TMC1: variants seen among roughly 807,000 people sequenced by gnomAD.
The protein encoded by TMC1 is transmembrane channel like 1, also known as transmembrane channel-like protein 1.
TMC1 carries 84 observed loss-of-function variants against 105.8 expected under a neutral mutation model. That is an observed-to-expected ratio of 0.79 (90% CI 0.67 to 0.95). The LOEUF is 0.95. Ranked by LOEUF, TMC1 falls within the 40% of genes least tolerant of loss-of-function variation. The probability of loss-of-function intolerance (pLI) is 0.00; values close to 1 mark genes in which losing one functional copy is unlikely to be tolerated. For synonymous variants in TMC1, 315 were observed against 311.5 expected, an observed-to-expected ratio of 1.01 and a Z score of -0.12; for missense variants, 817 against 914.1, an observed-to-expected ratio of 0.89 and a Z score of 1.37.
At chr9:72,833,927 G>A (rs1351318819) in intron 23 of TMC1, among the ~76,000 whole-genome samples, 1 of 151,782 alleles carries the variant, frequency 6.6e-6, no homozygotes, top group Non-Finnish European at 1.5e-5. Flanking sequence ...TATCTTGCAT[G>A]GATCTATTTT....
chr9:72,689,467 ATGT>A (rs957225739), intron 6 of TMC1, among the ~76,000 whole-genome samples: 123 of 152,160 alleles, frequency 8.1e-4, no homozygotes, highest in African/African-American at 2.8e-3. Flanking sequence ...TTGATCTATA[ATGT>A]TGTTCATGAC....
chr9:72,625,863 G>A (rs1825338435), intron 3 of TMC1, among the ~76,000 whole-genome samples: 1 of 152,026 alleles, frequency 6.6e-6, no homozygotes, highest in Non-Finnish European at 1.5e-5. Flanking sequence ...TATCTTGGTC[G>A]CAGAGTAACT....
chr9:72,798,988 G>C (rs934167169), intron 17 of TMC1, among the ~76,000 whole-genome samples: 3 of 151,872 alleles, frequency 2.0e-5, no homozygotes, highest in Non-Finnish European at 4.4e-5. Flanking sequence ...CCCAGCCCAA[G>C]ACTAGCCATA....
intron 4 of TMC1, among the ~76,000 whole-genome samples, chr9:72,639,389 G>A (rs898173778): frequency 6.6e-6 from 1 of 151,982 alleles, no homozygotes; most frequent in African/African-American, 2.4e-5. Flanking sequence ...AAGACATTTG[G>A]CACTCTACTT....
rs12001653 is a variant in TMC1, at chr9:72,820,523, G to A, written c.1764-319G>A. 0.094 allele frequency among the ~76,000 whole-genome samples: 14,260 copies of A among 152,198 alleles called. 732 individuals carry two copies. The highest frequency in any genetic ancestry group is 0.13 in the Non-Finnish European group (8,683 of 67,978). ...AAGTTTATTTTAGAATTAGAAGAAAGAAGTAAAACAATTGTAAATATTGTT... is the reference window on the plus strand; with the variant it reads ...AAGTTTATTTTAGAATTAGAAGAAAAAAGTAAAACAATTGTAAATATTGTT... On this transcript the variant is annotated intron_variant, in intron 19 of 23. Coordinates refer to ENST00000297784, the MANE Select transcript of TMC1 (RefSeq NM_138691.3).
intron 5 of TMC1, among the ~76,000 whole-genome samples, chr9:72,659,182 A>G (rs545198559): frequency 2.5e-4 from 38 of 152,354 alleles, no homozygotes; most frequent in African/African-American, 8.9e-4. Context: ...GTGAGATTAC[A>G]GTTTTAATAT....
chr9:72,784,031 C>G (rs1325669155), intron 13 of TMC1, among the ~76,000 whole-genome samples: 1 of 152,098 alleles, frequency 6.6e-6, no homozygotes, highest in East Asian at 1.9e-4. Context: ...TAAGAAGACT[C>G]CAAAAGCAAT....
chr9:72,630,849 T>G (rs1825437167), intron 4 of TMC1, among the ~76,000 whole-genome samples: 1 of 151,924 alleles, frequency 6.6e-6, no homozygotes, highest in African/African-American at 2.4e-5. Context: ...TTCTTTCTAT[T>G]TTTATACATT....
At chr9:72,751,777 AC>A in intron 10 of TMC1, 72 bp from the exon 11 acceptor site, 2 of 978,006 alleles carry the variant, frequency 2.0e-6, no homozygotes, top group Non-Finnish European at 3.3e-6. Flanking sequence ...TTTGAAGGCA[AC>A]CAAGACAAAG....
chr9:72,649,768 A>G (rs917594213), intron 5 of TMC1, among the ~76,000 whole-genome samples: 1 of 152,146 alleles, frequency 6.6e-6, no homozygotes, highest in Non-Finnish European at 1.5e-5. Context: ...AATCTTATGG[A>G]AGATGGTAGA....
intron 3 of TMC1, among the ~76,000 whole-genome samples, chr9:72,618,885 A>G (rs1340263667): frequency 6.6e-6 from 1 of 152,176 alleles, no homozygotes; most frequent in Non-Finnish European, 1.5e-5. Context: ...TAAACTCATA[A>G]TGTGTTTTCT....
At chr9:72,810,642 G>A (rs1294019056) in intron 18 of TMC1, among the ~76,000 whole-genome samples, 1 of 152,038 alleles carries the variant, frequency 6.6e-6, no homozygotes, top group Admixed American at 6.6e-5. Flanking sequence ...GAGTAGACTG[G>A]TTACTTGCTT....
chr9:72,711,834 G>A (rs569609982), intron 8 of TMC1, among the ~76,000 whole-genome samples: 1 of 152,304 alleles, frequency 6.6e-6, no homozygotes, highest in African/African-American at 2.4e-5. Context: ...TAGTCATGAA[G>A]TCTTTGCCCA....
At chr9:72,686,811 C>G (rs2132182382) in intron 5 of TMC1, among the ~76,000 whole-genome samples, 1 of 152,334 alleles carries the variant, frequency 6.6e-6, no homozygotes, top group South Asian at 2.1e-4. Flanking sequence ...ATTTCTGCAG[C>G]AGTCTTCATT....
At chr9:72,558,121 G>T (rs1823975227) in intron 1 of TMC1, among the ~76,000 whole-genome samples, 1 of 152,036 alleles carries the variant, frequency 6.6e-6, no homozygotes, top group Non-Finnish European at 1.5e-5. Flanking sequence ...TTTCTAATTT[G>T]CCTGTGTATT....
At chr9:72,781,988 A>G (rs1048736558) in intron 13 of TMC1, among the ~76,000 whole-genome samples, 6 of 152,182 alleles carry the variant, frequency 3.9e-5, no homozygotes, top group Non-Finnish European at 5.9e-5. Flanking sequence ...CTGATACCAA[A>G]TCCTGGCAGA....
chr9:72,823,682 T>C (rs1410755580), intron 20 of TMC1, among the ~76,000 whole-genome samples: 1 of 152,232 alleles, frequency 6.6e-6, no homozygotes, highest in Non-Finnish European at 1.5e-5. Context: ...TGAAGGCAAT[T>C]CTAATTGTTC....
At chr9:72,582,197 T>A (rs1824486694) in intron 2 of TMC1, among the ~76,000 whole-genome samples, 1 of 152,202 alleles carries the variant, frequency 6.6e-6, no homozygotes, top group Non-Finnish European at 1.5e-5. Flanking sequence ...CCTCAGGTGA[T>A]CCACCCGCCT....
chr9:72,789,083 T>C (rs1368359730), intron 14 of TMC1, 40 bp from the exon 15 acceptor site: 1 of 1,589,534 alleles, frequency 6.3e-7, no homozygotes, highest in Admixed American at 1.7e-5. Context: ...AGATATTCTA[T>C]TTTGGGTTTT....
Sources: allele counts gnomAD v4.1 joint callset (sites outside exome capture counted in the v4.1 genomes callset), GRCh38; gene constraint gnomAD v4.1.1; transcripts MANE v1.5; gene names NCBI Gene and HGNC (gene_info 2026-07-23, HGNC 2026-07-21).